The following CDH18 variants were observed in gnomAD, a reference collection of about 807,000 sequenced individuals.
CDH18 encodes cadherin 18, also known as cadherin-18.
A neutral mutation model predicts 67.9 loss-of-function variants in CDH18; 31 were observed. The observed-to-expected ratio is 0.46, with a 90% CI of 0.34 to 0.62. The LOEUF is 0.62. Ranked by LOEUF, CDH18 falls within the 20% of genes least tolerant of loss-of-function variation. The pLI is 0.01. For missense variants in CDH18, 890 were observed against 975.5 expected, an observed-to-expected ratio of 0.91 and a Z score of 1.17; for synonymous variants, 362 against 347.2, an observed-to-expected ratio of 1.04 and a Z score of -0.48.
At chr5:20,429,205 A>G (rs945406018) in intron 1 of CDH18, among the ~76,000 whole-genome samples, 1 of 152,096 alleles carries the variant, frequency 6.6e-6, no homozygotes, top group African/African-American at 2.4e-5. Flanking sequence ...GCAGGTTGAG[A>G]AAAGTATGCT....
intron 2 of CDH18, among the ~76,000 whole-genome samples, chr5:20,197,476 C>A (rs1303148183): frequency 6.6e-6 from 1 of 152,140 alleles, no homozygotes; most frequent in Non-Finnish European, 1.5e-5. Context: ...TATACGAATG[C>A]ATGCAAGAAG....
intron 1 of CDH18, among the ~76,000 whole-genome samples, chr5:20,525,613 T>C (rs1756001458): frequency 6.6e-6 from 1 of 152,170 alleles, no homozygotes; most frequent in Non-Finnish European, 1.5e-5. Flanking sequence ...AAACAATATA[T>C]GACTCTTTAA....
intron 4 of CDH18, among the ~76,000 whole-genome samples, chr5:19,736,690 T>C (rs201512057): frequency 1.3e-5 from 2 of 152,102 alleles, no homozygotes; most frequent in East Asian, 3.9e-4. Flanking sequence ...GTTCTATGTG[T>C]GGGGGTGCTT....
At chr5:20,162,461 C>T (rs1473482411) in intron 2 of CDH18, among the ~76,000 whole-genome samples, 1 of 145,688 alleles carries the variant, frequency 6.9e-6, no homozygotes, top group Non-Finnish European at 1.5e-5. Flanking sequence ...ATTATATATA[C>T]ATATGGACGA....
At chr5:19,516,231 T>C (rs1442747521) in intron 10 of CDH18, among the ~76,000 whole-genome samples, 2 of 152,222 alleles carry the variant, frequency 1.3e-5, no homozygotes, top group Non-Finnish European at 2.9e-5. Context: ...CTTTTTGATA[T>C]GCTGCTGGAT....
chr5:20,008,507 G>A (rs530047728), intron 2 of CDH18, among the ~76,000 whole-genome samples: 1 of 152,120 alleles, frequency 6.6e-6, no homozygotes, highest in African/African-American at 2.4e-5. Context: ...TATAACAACC[G>A]TGTTTCCCAC....
At position 20,523,752 on chromosome 5, in the gene CDH18, C is replaced by T. The variant is rs1466816871; in HGVS notation, c.-580+51710G>A. 2.0e-5 allele frequency among the ~76,000 whole-genome samples: 3 copies of T among 152,130 alleles called. No individual in the cohort carries two copies. The East Asian group carries it at 5.8e-4, about 29-fold the overall frequency. ...ATGGCATTTCACCATATTGGCCAGG[C>T]TGGTCTCGAACTCCTGACCTCAAGT... is the stretch of plus-strand genomic sequence containing the variant. On this transcript the variant is annotated intron_variant, in intron 1 of 14. Coordinates refer to the CDH18 transcript ENST00000507958.
chr5:20,396,495 T>C (rs1202526694), intron 1 of CDH18, among the ~76,000 whole-genome samples: 4 of 151,986 alleles, frequency 2.6e-5, no homozygotes, highest in Non-Finnish European at 5.9e-5. Flanking sequence ...ATAATGAAGC[T>C]ACTACTTACA....
intron 2 of CDH18, among the ~76,000 whole-genome samples, chr5:20,247,987 T>C (rs760333441): frequency 3.3e-5 from 5 of 152,132 alleles, no homozygotes; most frequent in Admixed American, 3.3e-4. Context: ...AAAATATCTA[T>C]CCACATTTTT....
At chr5:20,483,043 C>T (rs1002139044) in intron 1 of CDH18, among the ~76,000 whole-genome samples, 1 of 152,030 alleles carries the variant, frequency 6.6e-6, no homozygotes, top group Non-Finnish European at 1.5e-5. Context: ...TCAACCAAAA[C>T]TATTAGAAAT....
At chr5:19,763,035 G>A (rs922663301) in intron 3 of CDH18, among the ~76,000 whole-genome samples, 2 of 152,184 alleles carry the variant, frequency 1.3e-5, no homozygotes, top group Non-Finnish European at 2.9e-5. Context: ...ACTCATAGGT[G>A]AGAATTGAAC....
chr5:19,914,107 G>C (rs1791479834), intron 2 of CDH18, among the ~76,000 whole-genome samples: 2 of 152,042 alleles, frequency 1.3e-5, no homozygotes, highest in South Asian at 2.1e-4. Context: ...TTTCCTTTTT[G>C]AGATGCAAAA....
chr5:19,547,737 G>GTT (rs1736590861), intron 8 of CDH18, among the ~76,000 whole-genome samples: 1 of 152,152 alleles, frequency 6.6e-6, no homozygotes, highest in Admixed American at 6.6e-5. Context: ...TTGCTTCCGA[G>GTT]TTTCCTAAGC....
intron 6 of CDH18, among the ~76,000 whole-genome samples, chr5:19,592,910 T>C (rs561618943): frequency 2.0e-4 from 30 of 152,136 alleles, no homozygotes; most frequent in Non-Finnish European, 3.5e-4. Context: ...CTGCTTGAAA[T>C]ATGCAGTACT....
At chr5:20,394,327 T>A (rs570984920) in intron 1 of CDH18, among the ~76,000 whole-genome samples, 1 of 152,218 alleles carries the variant, frequency 6.6e-6, no homozygotes, top group East Asian at 1.9e-4. Flanking sequence ...CACTATTCCA[T>A]AAATGATTCT....
In CDH18 at chr5:19,755,438, T is replaced by C. The variant is rs1172499553; in HGVS notation, c.229-8202A>G. ...ACAGAACTAACAGGGTATGTATATA[T>C]ATATATATATATATATATATACACA... On this transcript the variant is annotated intron_variant, in intron 3 of 12. Transcript: ENST00000382275. Among the ~76,000 whole-genome samples the C allele has an allele frequency of 1.9e-4, 2 of 10,442 alleles. 1 individual carries two copies. The highest frequency in any genetic ancestry group is 0.33 in the East Asian group (2 of 6). The allele number at this position is 10,442 out of a possible 152,430, so 6.9% of individuals were successfully genotyped here.
intron 1 of CDH18, among the ~76,000 whole-genome samples, chr5:20,259,319 C>T (rs1018484145): frequency 6.6e-6 from 1 of 152,144 alleles, no homozygotes; most frequent in African/African-American, 2.4e-5. Context: ...TGTCGTTATG[C>T]ACCAATCAGA....
chr5:20,419,477 T>TTTG (rs1315940110), intron 1 of CDH18, among the ~76,000 whole-genome samples: 1 of 78,838 alleles, frequency 1.3e-5, no homozygotes, highest in Non-Finnish European at 2.7e-5. Context: ...TTTTTTTTTT[T>TTTG]TTTTTTTTTT....
At chr5:19,828,089 A>C (rs1780605201) in intron 3 of CDH18, among the ~76,000 whole-genome samples, 2 of 152,182 alleles carry the variant, frequency 1.3e-5, no homozygotes, top group South Asian at 2.1e-4. Context: ...TAACTACTAC[A>C]AACACCTCTA....
Sources: allele counts gnomAD v4.1 joint callset (sites outside exome capture counted in the v4.1 genomes callset), GRCh38; gene constraint gnomAD v4.1.1; transcripts MANE v1.5; gene names NCBI Gene and HGNC (gene_info 2026-07-23, HGNC 2026-07-21).